Variants in ST3GAL2 observed in about 807,000 individuals in gnomAD.
ST3GAL2 encodes CMP-N-acetylneuraminate-beta-galactosamide-alpha-2,3-sialyltransferase 2.
Under a neutral mutation model 37.5 loss-of-function variants are expected in ST3GAL2, and 16 were observed. The ratio of observed to expected loss-of-function variants is 0.43; its 90% CI spans 0.29 to 0.65. The LOEUF is 0.65. Ranked by LOEUF, ST3GAL2 falls within the 30% of genes least tolerant of loss-of-function variation. The pLI is 0.17. For missense variants in ST3GAL2, 383 were observed against 487.8 expected, an observed-to-expected ratio of 0.79 and a Z score of 2.02; for synonymous variants, 238 against 202.9, an observed-to-expected ratio of 1.17 and a Z score of -1.47.
At chr16:70,419,972 T>C (rs1409706968) in intron 1 of ST3GAL2, among the ~76,000 whole-genome samples, 1 of 151,242 alleles carries the variant, frequency 6.6e-6, no homozygotes, top group Non-Finnish European at 1.5e-5. Context: ...AGGGCTCCTA[T>C]GTTATCAGTG....
chr16:70,431,789 C>T (rs548827323), intron 1 of ST3GAL2, among the ~76,000 whole-genome samples: 1 of 151,934 alleles, frequency 6.6e-6, no homozygotes, highest in Admixed American at 6.6e-5. Flanking sequence ...CAGTGAAACC[C>T]CGTCTCTACT....
chr16:70,409,142 G>C (rs2047617852), intron 1 of ST3GAL2, among the ~76,000 whole-genome samples: 1 of 152,022 alleles, frequency 6.6e-6, no homozygotes, highest in African/African-American at 2.4e-5. Flanking sequence ...GTAACGTCTA[G>C]AAAAACAGTT....
rs1216044464 is a variant in ST3GAL2, at chr16:70,379,555, T to C, written c.*2134A>G. On this transcript the variant is annotated 3_prime_UTR_variant, in exon 7 of 7. Coordinates refer to ENST00000342907, the MANE Select transcript of ST3GAL2 (RefSeq NM_006927.4). ...TCAGAAAGGGAAGGAAATAAAAAAG[T>C]GTGTTTAAATTACTATTGCAGAAAA... 2.6e-5 allele frequency: 4 copies of C among 152,098 alleles called. No homozygotes were observed. The allele number at this position is 152,098 out of a possible 1,614,324, so 9.4% of individuals were successfully genotyped here.
intron 1 of ST3GAL2, among the ~76,000 whole-genome samples, chr16:70,421,235 G>A (rs2047712339): frequency 1.3e-5 from 2 of 152,228 alleles, no homozygotes; most frequent in Admixed American, 1.3e-4. Flanking sequence ...TACTCAGGCA[G>A]GGCCCCTGGT....
At chr16:70,426,438 A>C (rs2047751913) in intron 1 of ST3GAL2, among the ~76,000 whole-genome samples, 1 of 151,338 alleles carries the variant, frequency 6.6e-6, no homozygotes, top group African/African-American at 2.4e-5. Context: ...GACCTCAGGC[A>C]ATCCGCCTGC....
At chr16:70,437,086 C>A (rs2047830446) in intron 1 of ST3GAL2, among the ~76,000 whole-genome samples, 1 of 152,184 alleles carries the variant, frequency 6.6e-6, no homozygotes, top group Non-Finnish European at 1.5e-5. Flanking sequence ...GAGGCCATAG[C>A]CAGTGGCTCT....
intron 1 of ST3GAL2, chr16:70,400,720 A>C (rs1023907979): frequency 6.6e-6 from 1 of 152,268 alleles, no homozygotes; most frequent in Non-Finnish European, 1.5e-5. Context: ...TTGTGAGTGG[A>C]GGTGACTTTG....
chr16:70,400,265 A>T (rs916296248), intron 1 of ST3GAL2: 1 of 152,360 alleles, frequency 6.6e-6, no homozygotes, highest in Non-Finnish European at 1.5e-5. Context: ...GGCCACTTGT[A>T]GGCAGTTTGG....
At chr16:70,408,894 A>AC in intron 1 of ST3GAL2, among the ~76,000 whole-genome samples, 4 of 46,268 alleles carry the variant, frequency 8.6e-5, no homozygotes, top group Admixed American at 5.6e-4. Context: ...AAGAAACAAA[A>AC]AAAAAAAAAA....
chr16:70,431,601 G>C (rs1240188758), intron 1 of ST3GAL2, among the ~76,000 whole-genome samples: 1 of 151,636 alleles, frequency 6.6e-6, no homozygotes, highest in East Asian at 1.9e-4. Flanking sequence ...CAGGTGGGAG[G>C]ATCACTTGAA....
intron 1 of ST3GAL2, among the ~76,000 whole-genome samples, chr16:70,434,411 T>C (rs1055866612): frequency 6.6e-6 from 1 of 151,254 alleles, no homozygotes; most frequent in South Asian, 2.1e-4. Context: ...TACTCCAGCC[T>C]GGCAACAGAA....
chr16:70,396,486 T>C lies in ST3GAL2; in HGVS notation c.340-1311A>G, dbSNP rs546573379. Among the ~76,000 whole-genome samples the C allele has an allele frequency of 5.3e-5, 8 of 152,134 alleles. No individual in the cohort carries two copies. The East Asian group carries it at 1.5e-3, about 29-fold the overall frequency. ...CAGGCGTGGTGGCACGTGCCTGTAG[T>C]CCCAGCTACTCTGAAGCTGAGGTGG... On this transcript the variant is annotated intron_variant, in intron 2 of 6. Coordinates refer to ENST00000342907, the MANE Select transcript of ST3GAL2 (RefSeq NM_006927.4).
intron 1 of ST3GAL2, among the ~76,000 whole-genome samples, chr16:70,410,394 G>A (rs1201486967): frequency 6.6e-6 from 1 of 150,884 alleles, no homozygotes; most frequent in Non-Finnish European, 1.5e-5. Context: ...GGGACCACAG[G>A]TGCCCACCAC....
chr16:70,403,396 T>C (rs1421166127), intron 1 of ST3GAL2, among the ~76,000 whole-genome samples: 6 of 152,212 alleles, frequency 3.9e-5, no homozygotes, highest in African/African-American at 7.2e-5. Flanking sequence ...TAAGATGTCT[T>C]TTAGGCCAGC....
At chr16:70,422,453 C>A (rs947389971) in intron 1 of ST3GAL2, among the ~76,000 whole-genome samples, 1 of 152,126 alleles carries the variant, frequency 6.6e-6, no homozygotes, top group African/African-American at 2.4e-5. Flanking sequence ...GGGCGCTGAG[C>A]AGGAGAAGCA....
At position 70,430,275 on chromosome 16, in the gene ST3GAL2, A is replaced by G. The variant is rs900743855; in HGVS notation, c.-1004+8674T>C. ...AAGACAATGCCCTCTAAAATACCTC[A>G]GCCAGGTCTGAAGGGGCTGAGGTAT... is the stretch of plus-strand genomic sequence containing the variant. On this transcript the variant is annotated intron_variant, in intron 1 of 6. Transcript: ENST00000342907. Among the ~76,000 whole-genome samples, 4 of 152,224 alleles carry G rather than the reference A, an allele frequency of 2.6e-5. No individual in the cohort carries two copies. In the South Asian group the frequency reaches 6.2e-4, roughly 24 times the overall value.
chr16:70,395,357 A>G (rs534792609), intron 2 of ST3GAL2, among the ~76,000 whole-genome samples, 182 bp from the exon 3 acceptor site: 1 of 152,358 alleles, frequency 6.6e-6, no homozygotes, highest in African/African-American at 2.4e-5. Context: ...CCCTCTCTCA[A>G]CAACAGCAAA....
intron 1 of ST3GAL2, among the ~76,000 whole-genome samples, chr16:70,434,555 T>C (rs983723844): frequency 4.6e-5 from 7 of 152,142 alleles, no homozygotes; most frequent in Non-Finnish European, 1.0e-4. Context: ...CAGAAAGACA[T>C]GAGTTTCAAC....
chr16:70,417,287 C>T (rs1037971203), intron 1 of ST3GAL2, among the ~76,000 whole-genome samples: 3 of 152,310 alleles, frequency 2.0e-5, no homozygotes, highest in African/African-American at 4.8e-5. Context: ...GGCTCCACAG[C>T]GCCCCAGCCC....
Sources: allele counts gnomAD v4.1 joint callset (sites outside exome capture counted in the v4.1 genomes callset), GRCh38; gene constraint gnomAD v4.1.1; transcripts MANE v1.5; gene names NCBI Gene and HGNC (gene_info 2026-07-23, HGNC 2026-07-21).